Variants in RAB5C observed in about 807,000 individuals in gnomAD.
RAB5C encodes ras-related protein Rab-5C.
RAB5C carries 4 observed loss-of-function variants against 25.2 expected under a neutral mutation model. That is an observed-to-expected ratio of 0.16 (90% CI 0.08 to 0.36). The LOEUF (loss-of-function observed/expected upper bound fraction) is 0.36. RAB5C is among the 10% of genes least tolerant of loss of function. The pLI, the probability that RAB5C is intolerant of heterozygous loss-of-function variation, is 1.00. For missense variants in RAB5C, 199 were observed against 283.8 expected (o/e 0.70, Z 2.15); for synonymous variants, 100 against 106.4 (o/e 0.94, Z 0.37).
At chr17:42,148,973 C>T (rs1179268345) in intron 1 of RAB5C, among the ~76,000 whole-genome samples, 2 of 152,154 alleles carry the variant, frequency 1.3e-5, no homozygotes, top group African/African-American at 4.8e-5. Flanking sequence ...GTGCCTGGCA[C>T]ATGGCAAAAA....
intron 1 of RAB5C, among the ~76,000 whole-genome samples, chr17:42,136,978 A>G (rs144929469): frequency 1.5e-4 from 23 of 152,376 alleles, no homozygotes; most frequent in East Asian, 3.9e-4. Flanking sequence ...TGTAGCTTTT[A>G]GCTAGGAAAA....
At chr17:42,127,544 TTTC>T (rs1004449673) in intron 4 of RAB5C, among the ~76,000 whole-genome samples, 3 of 151,420 alleles carry the variant, frequency 2.0e-5, no homozygotes, top group African/African-American at 7.3e-5. Context: ...TTTTTATTCT[TTTC>T]TTTTTTTTTT....
At chr17:42,142,674 G>A (rs1299745049) in intron 1 of RAB5C, among the ~76,000 whole-genome samples, 1 of 152,208 alleles carries the variant, frequency 6.6e-6, no homozygotes, top group Non-Finnish European at 1.5e-5. Flanking sequence ...CAAAAGGCTT[G>A]TAAACCAACT....
At chr17:42,146,866 C>T (rs1346811391) in intron 1 of RAB5C, among the ~76,000 whole-genome samples, 3 of 151,542 alleles carry the variant, frequency 2.0e-5, no homozygotes, top group East Asian at 1.9e-4. Context: ...ATTAGCCAAG[C>T]GTGGTGGCAG....
intron 1 of RAB5C, 73 bp from the exon 2 acceptor site, chr17:42,130,663 A>G (rs780283522): frequency 1.0e-5 from 15 of 1,445,814 alleles, no homozygotes; most frequent in Non-Finnish European, 1.4e-5. Flanking sequence ...TAAATTACAG[A>G]TCTTTCCCTC....
At position 42,128,422 on chromosome 17, in the gene RAB5C, G is replaced by A. The variant is rs146733420; in HGVS notation, c.319-39C>T. 3.8e-5 allele frequency: 61 copies of A among 1,595,034 alleles called. 1 individual carries two copies. The Middle Eastern group carries it at 8.3e-4, about 22-fold the overall frequency. On this transcript the variant is annotated intron_variant, in intron 3 of 5. Transcript: ENST00000346213. ...GACAGAATGTCGAAGGGACAGAGAA[G>A]GCATTCTGCCCAGGGCCACCCATTA...
At chr17:42,153,691 T>C (rs574324291) in intron 1 of RAB5C, among the ~76,000 whole-genome samples, 1 of 152,124 alleles carries the variant, frequency 6.6e-6, no homozygotes, top group Non-Finnish European at 1.5e-5. Context: ...CTCGTTAAGG[T>C]ACAGTCTCCG....
chr17:42,125,817 T>C lies in RAB5C; in HGVS notation c.617A>G (p.Asn206Ser), dbSNP rs201563273. The C allele has an allele frequency of 4.0e-5, 65 of 1,609,004 alleles. 1 individual carries two copies. In the African/African-American group the frequency reaches 7.3e-4, roughly 18 times the overall value. Residue 206 changes from asparagine to serine, a missense_variant, in exon 6 of 6, where the codon AAC becomes AGC. Asn to Ser is a conservative substitution (Grantham distance 46). This residue lies in a region of RAB5C where 154 missense variants were observed against 199.6 expected (regional missense o/e 0.77). Transcript: ENST00000346213. ...RNRGVDLQEN[N>S]PASRSQCCSN The stretch of plus-strand genomic sequence containing the variant: ...GCAGCACTGGCTCCGGCTGGCTGGG[T>C]TGTTCTCCTGGAGGTCCACACCTCG...
chr17:42,149,876 G>GTTTTTTTTTT lies in RAB5C; in HGVS notation c.-89+5007_-89+5016dup, dbSNP rs925280473. On this transcript the variant is annotated intron_variant, in intron 1 of 5. Transcript: ENST00000346213. ...GGGTCTCATTATGTTGCCCAGGCTG[G>GTTTTTTTTTT]TTTTTTTTTTTTTTTTTTTTGAGAT... Among the ~76,000 whole-genome samples, 11 of 121,164 alleles carry GTTTTTTTTTT rather than the reference G, an allele frequency of 9.1e-5. 1 individual carries two copies. Among genetic ancestry groups the GTTTTTTTTTT allele is most frequent in the South Asian group, 8.6e-4 (3 of 3,508 alleles). 79.5% of individuals were successfully genotyped at this position (121,164 alleles called of 152,430 possible).
chr17:42,150,595 T>C (rs919848895), intron 1 of RAB5C, among the ~76,000 whole-genome samples: 3 of 134,858 alleles, frequency 2.2e-5, no homozygotes, highest in Admixed American at 7.8e-5. Context: ...CGGTGGCTCA[T>C]GCTTGTAATC....
intron 1 of RAB5C, among the ~76,000 whole-genome samples, chr17:42,139,877 C>T (rs116210591): frequency 0.016 from 2,372 of 152,368 alleles, 64 homozygotes; most frequent in African/African-American, 0.054. Flanking sequence ...AGTTCTTCAC[C>T]TGCCAATGCC....
intron 1 of RAB5C, among the ~76,000 whole-genome samples, chr17:42,147,144 A>G (rs9895359): frequency 0.014 from 1,390 of 99,640 alleles, 27 homozygotes; most frequent in African/African-American, 0.086. Flanking sequence ...GAAAGAAAGA[A>G]AGAGAGAGAG....
Position 42,126,859 on chromosome 17 carries a change from T to TGGAGGTGAGAGGAGGTG in RAB5C, c.442-28_442-12dup. 1 of 1,595,342 alleles carries TGGAGGTGAGAGGAGGTG rather than the reference T, an allele frequency of 6.3e-7. No individual in the cohort carries two copies. Among genetic ancestry groups the TGGAGGTGAGAGGAGGTG allele is most frequent in the Non-Finnish European group, 8.6e-7 (1 of 1,164,010 alleles). ...ATAGGCTTGTGCTTCCTGGTTTGGA[T>TGGAGGTGAGAGGAGGTG]GGAGGTGAGAGGAGGTGAGAGGGAA... On this transcript the variant is annotated splice_polypyrimidine_tract_variant and intron_variant, in intron 4 of 5. Transcript: ENST00000346213.
rs763968917 is a variant in RAB5C, at chr17:42,128,632, C to T, written c.318+17G>A. On this transcript the variant is annotated intron_variant, in intron 3 of 5. Coordinates refer to ENST00000346213, the MANE Select transcript of RAB5C (RefSeq NM_004583.4). Reference sequence around the variant, plus strand: ...AGAAGATGAAGGGCAAAGGAAGAAGCAAGGGGAAATCTTTACTGTGTTGGT... The same window carrying T: ...AGAAGATGAAGGGCAAAGGAAGAAGTAAGGGGAAATCTTTACTGTGTTGGT... The T allele has an allele frequency of 1.0e-5, 15 of 1,456,580 alleles. No homozygotes were observed. Among genetic ancestry groups the T allele is most frequent in the Non-Finnish European group, 1.3e-5 (14 of 1,102,734 alleles). The allele number at this position is 1,456,580 out of a possible 1,614,324, so 90.2% of individuals were successfully genotyped here.
rs189659052 is a variant in RAB5C, at chr17:42,126,008, G to T, written c.536-110C>A. On this transcript the variant is annotated intron_variant, in intron 5 of 5. Coordinates refer to ENST00000346213, the MANE Select transcript of RAB5C (RefSeq NM_004583.4). ...CCCAATCAGTGGTAACTCACATATT[G>T]AGGGCTTCTGTGTGTCAGGTGCATT... is the stretch of plus-strand genomic sequence containing the variant. The T allele has an allele frequency of 2.5e-3, 1,855 of 752,646 alleles. 5 individuals carry two copies. The highest frequency in any genetic ancestry group is 3.5e-3 in the Non-Finnish European group (1,564 of 451,936). 46.6% of individuals were successfully genotyped at this position (752,646 alleles called of 1,614,324 possible).
At chr17:42,144,923 C>A (rs2079623776) in intron 1 of RAB5C, among the ~76,000 whole-genome samples, 1 of 36,102 alleles carries the variant, frequency 2.8e-5, no homozygotes, top group Non-Finnish European at 5.9e-5. Flanking sequence ...CAGACTCCGT[C>A]TCAAAAAAAA....
intron 1 of RAB5C, among the ~76,000 whole-genome samples, chr17:42,142,611 G>A (rs2079609743): frequency 6.6e-6 from 1 of 152,226 alleles, no homozygotes; most frequent in South Asian, 2.1e-4. Context: ...CCATGCCTGG[G>A]ATGCCTCTGA....
chr17:42,139,471 C>CT lies in RAB5C; in HGVS notation c.-88-8882dup, dbSNP rs1055888637. Among the ~76,000 whole-genome samples, 7 of 151,734 alleles carry CT rather than the reference C, an allele frequency of 4.6e-5. No homozygotes were observed. The East Asian group carries it at 5.8e-4, about 13-fold the overall frequency. ...TCAGTCAGCAAGGTTGTGGCAGATT[C>CT]TTTTTTTTTGAGACGGAATCTTGCT... is the stretch of plus-strand genomic sequence containing the variant. On this transcript the variant is annotated intron_variant, in intron 1 of 5. Transcript: ENST00000346213.
intron 4 of RAB5C, 98 bp from the exon 5 acceptor site, chr17:42,126,946 T>C (rs2054432698): frequency 2.8e-6 from 2 of 722,240 alleles, no homozygotes; most frequent in East Asian, 2.6e-5. Flanking sequence ...GAGCACCTTA[T>C]CATAATAGAG....
Sources: allele counts gnomAD v4.1 joint callset (sites outside exome capture counted in the v4.1 genomes callset), GRCh38; gene constraint gnomAD v4.1.1; regional missense constraint gnomAD v4.1.1; transcripts MANE v1.5; gene names NCBI Gene and HGNC (gene_info 2026-07-23, HGNC 2026-07-21).